SPATC1: variants seen among roughly 807,000 people sequenced by gnomAD.
SPATC1 encodes the protein spermatogenesis and centriole associated 1.
SPATC1 carries 35 observed loss-of-function variants against 36.5 expected under a neutral mutation model. The ratio of observed to expected loss-of-function variants is 0.96; its 90% CI spans 0.73 to 1.27. The LOEUF is 1.27. SPATC1 is among the 50% of genes most tolerant of loss of function. The pLI is 0.00. For missense variants in SPATC1, 779 were observed against 796.0 expected (o/e 0.98, Z 0.26); for synonymous variants, 361 against 353.6 (o/e 1.02, Z -0.24).
intron 4 of SPATC1, among the ~76,000 whole-genome samples, chr8:144,043,370 C>T (rs932494303): frequency 1.3e-5 from 2 of 151,750 alleles, no homozygotes; most frequent in Non-Finnish European, 2.9e-5. Flanking sequence ...CAACCTCCGT[C>T]TCCCAAGTTC....
intron 1 of SPATC1, among the ~76,000 whole-genome samples, chr8:144,035,063 C>T (rs1296847298): frequency 2.0e-5 from 3 of 152,136 alleles, no homozygotes; most frequent in African/African-American, 7.3e-5. Context: ...TTGAACATTT[C>T]ATGATTTGCT....
In SPATC1 at chr8:144,041,095, G is replaced by A. The variant is rs377485741; in HGVS notation, c.1294G>A (p.Glu432Lys). Residue 432 changes from glutamate to lysine, a missense_variant, in exon 3 of 5, where the codon GAG becomes AAG. Physicochemically the swap from Glu to Lys is moderately conservative, Grantham distance 56 (BLOSUM62 1). Coordinates refer to ENST00000377470, the MANE Select transcript of SPATC1 (RefSeq NM_198572.3). ...CCACCGCAAGACCAGCAAGTTCCCC[G>A]AGAACCCCCGAGGTCAGTGACACTG... ...LAHRKTSKFPENPRESKQLAW... is the reference protein window; with the variant it reads ...LAHRKTSKFPKNPRESKQLAW... The A allele has an allele frequency of 2.8e-5, 45 of 1,580,282 alleles. No individual in the cohort carries two copies. The highest frequency in any genetic ancestry group is 9.4e-5 in the African/African-American group (7 of 74,174).
chr8:144,028,980 C>T (rs1356044214), intron 1 of SPATC1, among the ~76,000 whole-genome samples: 1 of 152,024 alleles, frequency 6.6e-6, no homozygotes, highest in African/African-American at 2.4e-5. Context: ...CATGTTCTCA[C>T]TCACAAATGG....
rs1161521831 is a variant in SPATC1, at chr8:144,046,841, T to A, written c.1661T>A (p.Leu554Gln). Residue 554 changes from leucine (L) to glutamine (Q), a missense_variant, in exon 5 of 5, where the codon CTG (leucine) becomes CAG (glutamine). Transcript: ENST00000377470. The surrounding 1 kb of genome is among the most constrained non-coding windows in gnomAD (Gnocchi z 6.6). ...SEGGPYTVDF[L>Q]QRVVVETVHP... ...GGCGGCCCCTACACCGTGGACTTCC[T>A]GCAGCGTGTGGTGGTGGAGACCGTG... 1 of 1,602,650 alleles carries A rather than the reference T, an allele frequency of 6.2e-7. No homozygotes were observed. The highest frequency in any genetic ancestry group is 8.5e-7 in the Non-Finnish European group (1 of 1,179,866).
intron 4 of SPATC1, chr8:144,042,080 A>G: frequency 1.1e-6 from 1 of 881,600 alleles, no homozygotes; most frequent in Non-Finnish European, 1.4e-6. Flanking sequence ...GAAAAAGAAA[A>G]AGAGTACACA....
intron 1 of SPATC1, among the ~76,000 whole-genome samples, chr8:144,029,202 T>TGAAAAAAAAAAAA (rs1834745985): frequency 3.6e-5 from 1 of 28,154 alleles, no homozygotes; most frequent in African/African-American, 1.1e-4. Flanking sequence ...ACCCCAGAAC[T>TGAAAAAAAAAAAA]AAAAAAAAAA....
At chr8:144,042,262 G>A (rs1320158527) in intron 4 of SPATC1, among the ~76,000 whole-genome samples, 1 of 126,124 alleles carries the variant, frequency 7.9e-6, no homozygotes, top group South Asian at 2.7e-4. Context: ...GGGACCACAG[G>A]TTTACGCCAC....
rs182373114 is a variant in SPATC1, at chr8:144,044,976, C to G, written c.1447-1651C>G. Among the ~76,000 whole-genome samples, 71 of 152,328 alleles carry G rather than the reference C, an allele frequency of 4.7e-4. 1 individual carries two copies. The East Asian group carries it at 0.013, about 28-fold the overall frequency. On this transcript the variant is annotated intron_variant, in intron 4 of 4. Transcript: ENST00000377470. ...AACAACAACAAAAAGACACAACTCGCTGCATTGAGATGTGAGTGCACTGCC... is the reference window on the plus strand; with the variant it reads ...AACAACAACAAAAAGACACAACTCGGTGCATTGAGATGTGAGTGCACTGCC...
intron 1 of SPATC1, among the ~76,000 whole-genome samples, chr8:144,029,615 G>A (rs1240427445): frequency 6.6e-6 from 1 of 152,084 alleles, no homozygotes; most frequent in Non-Finnish European, 1.5e-5. Flanking sequence ...CATTTCCACA[G>A]TTGTGAATTT....
At chr8:144,015,160 C>T (rs1013886129) in intron 1 of SPATC1, among the ~76,000 whole-genome samples, 1 of 151,652 alleles carries the variant, frequency 6.6e-6, no homozygotes, top group Non-Finnish European at 1.5e-5. Context: ...CTGCCTCAGC[C>T]TCCTGAGTAG....
In SPATC1 at chr8:144,026,370, G is replaced by A. The variant is rs1020492541; in HGVS notation, c.212-13539G>A. Among the ~76,000 whole-genome samples, 197 of 152,224 alleles carry A rather than the reference G, an allele frequency of 1.3e-3. 1 individual carries two copies. The highest frequency in any genetic ancestry group is 6.8e-3 in the Middle Eastern group (2 of 294). Reference sequence around the variant, plus strand: ...CATTCATTGGTTGGTGGCCATTTGGGTTATTTCCTCCTTTGGGCTATTATG... The same window carrying A: ...CATTCATTGGTTGGTGGCCATTTGGATTATTTCCTCCTTTGGGCTATTATG... On this transcript the variant is annotated intron_variant, in intron 1 of 4. Coordinates refer to ENST00000377470, the MANE Select transcript of SPATC1 (RefSeq NM_198572.3).
chr8:144,039,784 G>A, intron 1 of SPATC1, 125 bp from the exon 2 acceptor site: 12 of 1,040,524 alleles, frequency 1.2e-5, no homozygotes, highest in Non-Finnish European at 1.6e-5. Context: ...GGTCGGACCA[G>A]TCAGCTCATC....
chr8:144,031,348 T>C (rs1587507636), intron 1 of SPATC1, among the ~76,000 whole-genome samples: 2 of 152,260 alleles, frequency 1.3e-5, no homozygotes, highest in South Asian at 4.1e-4. Flanking sequence ...CACTACCTTC[T>C]GGCCTTCATA....
chr8:144,019,523 T>C (rs1834461318), intron 1 of SPATC1, among the ~76,000 whole-genome samples: 1 of 152,198 alleles, frequency 6.6e-6, no homozygotes. Context: ...CTTGGCCCCG[T>C]GCACGGGCAG....
intron 4 of SPATC1, among the ~76,000 whole-genome samples, chr8:144,041,725 C>T (rs1423556095): frequency 6.6e-6 from 1 of 152,032 alleles, no homozygotes; most frequent in East Asian, 1.9e-4. Flanking sequence ...CGGGGAAGCT[C>T]GGTTGGGGGT....
rs938450449 is a variant in SPATC1, at chr8:144,012,668, C to T, written c.153C>T (p.Ser51=). 218 of 1,551,600 alleles carry T rather than the reference C, an allele frequency of 1.4e-4. No homozygotes were observed. The highest frequency in any genetic ancestry group is 1.7e-4 in the Non-Finnish European group (195 of 1,146,998). Residue 51 remains serine (S), a synonymous_variant, in exon 1 of 5, where the codon AGC becomes AGT. Transcript: ENST00000377470. ...IKTQAGGLGI[S]GFTSGLGEAT... is the part of the protein sequence containing the mutation. ...CTCAGGCAGGCGGGCTCGGCATCAG[C>T]GGGTTCACGAGTGGGCTTGGTGAGG...
Position 144,046,666 on chromosome 8 carries a change from C to T in SPATC1, c.1486C>T (p.Leu496=). ...CAGTGACCACAAGCTGGATGAGAAG[C>T]TGTGCCAGAGGCTCACACAGCGCTA... The part of the protein sequence containing the change: ...NPSDHKLDEK[L]CQRLTQRYVS... The change falls in exon 5 of 5, where the codon CTG becomes TTG. Residue 496 remains leucine, a synonymous_variant. Coordinates refer to ENST00000377470, the MANE Select transcript of SPATC1 (RefSeq NM_198572.3). The surrounding 1 kb of genome is among the most constrained non-coding windows in gnomAD (Gnocchi z 6.6). The T allele has an allele frequency of 6.2e-7, 1 of 1,611,772 alleles. No homozygotes were observed.
At chr8:144,015,667 G>A (rs1172382516) in intron 1 of SPATC1, among the ~76,000 whole-genome samples, 4 of 147,520 alleles carry the variant, frequency 2.7e-5, no homozygotes, top group African/African-American at 9.9e-5. Context: ...GCTTGCGCCC[G>A]CAAGGCAGAG....
At position 144,046,863 on chromosome 8, in the gene SPATC1, C is replaced by A. The variant is rs782621987; in HGVS notation, c.1683C>A (p.Thr561=). 1.9e-6 allele frequency: 3 copies of A among 1,601,214 alleles called. No individual in the cohort carries two copies. The highest frequency in any genetic ancestry group is 1.7e-4 in the Middle Eastern group (1 of 6,060). Residue 561 remains threonine (T), a synonymous_variant, in exon 5 of 5, where the codon ACC becomes ACA. Coordinates refer to ENST00000377470, the MANE Select transcript of SPATC1 (RefSeq NM_198572.3). This position sits in a 1 kb window ranked among gnomAD's most constrained non-coding sequence, Gnocchi z 6.6. ...VDFLQRVVVE[T]VHPGMLADAL... ...TCCTGCAGCGTGTGGTGGTGGAGAC[C>A]GTGCACCCCGGCATGCTCGCCGACG...
Sources: gnomAD v4.1 joint callset for allele counts (sites outside exome capture counted in the v4.1 genomes callset) on GRCh38, gnomAD v4.1.1 for gene constraint, Gnocchi (gnomAD v3.1) non-coding constraint, MANE v1.5 for transcripts, NCBI Gene and HGNC (gene_info 2026-07-23, HGNC 2026-07-21) for gene names.